The following RAB28 variants were observed in gnomAD, a reference collection of about 807,000 sequenced individuals.
RAB28 encodes the protein RAB28, member RAS oncogene family.
A neutral mutation model predicts 31.7 loss-of-function variants in RAB28; 24 were observed. The observed-to-expected ratio is 0.76, with a 90% confidence interval of 0.55 to 1.06. The LOEUF (loss-of-function observed/expected upper bound fraction) is 1.06. Among genes scored for constraint, RAB28 ranks in the 50% least tolerant of loss-of-function variants. The probability of loss-of-function intolerance (pLI) is 0.00; values close to 1 mark genes in which losing one functional copy is unlikely to be tolerated. For synonymous variants in RAB28, 100 were observed against 90.4 expected (o/e 1.11, Z -0.60); for missense variants, 254 against 258.5 (o/e 0.98, Z 0.12).
At chr4:13,470,289 G>A (rs1052313067) in intron 3 of RAB28, among the ~76,000 whole-genome samples, 1 of 152,058 alleles carries the variant, frequency 6.6e-6, no homozygotes. Context: ...AGTATAACCC[G>A]TAAGAAACAC....
chr4:13,467,779 C>T (rs1256218365), intron 3 of RAB28, among the ~76,000 whole-genome samples: 1 of 151,782 alleles, frequency 6.6e-6, no homozygotes, highest in Non-Finnish European at 1.5e-5. Context: ...GTTAACCCAG[C>T]TATATCAATA....
chr4:13,410,739 A>C lies in RAB28; in HGVS notation c.392-29145T>G, dbSNP rs55799491. On this transcript the variant is annotated intron_variant, in intron 4 of 6. Transcript: ENST00000330852. ...GTGGTAGCGTTACAATCAACATTGT[A>C]AAAATAAGGCAAGAACAGGCTAAGG... Among the ~76,000 whole-genome samples, 1,157 of 152,254 alleles carry C rather than the reference A, an allele frequency of 7.6e-3. 17 individuals carry two copies. The highest frequency in any genetic ancestry group is 0.026 in the African/African-American group (1,097 of 41,554).
chr4:13,368,390 C>A lies in RAB28; in HGVS notation c.*168G>T. On this transcript the variant is annotated 3_prime_UTR_variant, in exon 7 of 7. Coordinates refer to ENST00000330852, the MANE Select transcript of RAB28 (RefSeq NM_001017979.3). Reference sequence around the variant, plus strand: ...TCCCAAAGTTGAATTCTTTCAAATCCAAGGAGCTGCCTGCCACTGTGAGGC... The same window carrying A: ...TCCCAAAGTTGAATTCTTTCAAATCAAAGGAGCTGCCTGCCACTGTGAGGC... 1 of 1,243,790 alleles carries A rather than the reference C, an allele frequency of 8.0e-7. No homozygotes were observed. Among genetic ancestry groups the A allele is most frequent in the East Asian group, 3.2e-5 (1 of 31,064 alleles). 77.0% of individuals were successfully genotyped at this position (1,243,790 alleles called of 1,614,324 possible).
intron 3 of RAB28, among the ~76,000 whole-genome samples, chr4:13,461,396 A>G (rs1246546943): frequency 2.0e-5 from 3 of 152,140 alleles, no homozygotes; most frequent in African/African-American, 4.8e-5. Flanking sequence ...CCCTTCATAT[A>G]CTTGAGCAGA....
chr4:13,373,001 T>C (rs1432901012), intron 6 of RAB28, among the ~76,000 whole-genome samples: 1 of 152,084 alleles, frequency 6.6e-6, no homozygotes, highest in African/African-American at 2.4e-5. Flanking sequence ...TAAAAACTAA[T>C]ACATACCTAG....
At chr4:13,440,928 T>C (rs1319203792) in intron 4 of RAB28, among the ~76,000 whole-genome samples, 1 of 151,456 alleles carries the variant, frequency 6.6e-6, no homozygotes, top group East Asian at 1.9e-4. Flanking sequence ...GGCCTTAGAA[T>C]GAAACCAATC....
chr4:13,474,069 T>C lies in RAB28; in HGVS notation c.261+249A>G. On this transcript the variant is annotated intron_variant, in intron 3 of 6. Coordinates refer to ENST00000330852, the MANE Select transcript of RAB28 (RefSeq NM_001017979.3). ...ACTGCATTTATTGAACTGCTAACAA[T>C]AACACCTAGTAATGTAAATAACATA... 4.9e-6 allele frequency: 3 copies of C among 616,112 alleles called. 1 individual carries two copies. The highest frequency in any genetic ancestry group is 4.4e-5 in the South Asian group (3 of 67,674). The allele number at this position is 616,112 out of a possible 1,614,324, so 38.2% of individuals were successfully genotyped here.
intron 4 of RAB28, among the ~76,000 whole-genome samples, chr4:13,425,422 T>C (rs983350614): frequency 1.3e-5 from 2 of 152,164 alleles, no homozygotes; most frequent in Admixed American, 6.5e-5. Flanking sequence ...CAACAAACAC[T>C]GTTTCCTAGA....
intron 3 of RAB28, chr4:13,473,758 T>G (rs1011052203): frequency 3.3e-6 from 1 of 302,804 alleles, no homozygotes; most frequent in African/African-American, 2.3e-5. Context: ...TTTTTCTTGC[T>G]CTACATGGAT....
intron 1 of RAB28, among the ~76,000 whole-genome samples, chr4:13,480,269 C>A (rs1280837356): frequency 1.3e-5 from 2 of 151,624 alleles, no homozygotes; most frequent in Non-Finnish European, 3.0e-5. Context: ...AGTACCATTT[C>A]TTATCAAAGC....
chr4:13,457,896 A>C (rs1432311412), intron 4 of RAB28, among the ~76,000 whole-genome samples: 1 of 152,192 alleles, frequency 6.6e-6, no homozygotes, highest in Non-Finnish European at 1.5e-5. Context: ...AAAAAATTAA[A>C]ACAAATCATA....
rs78254660 is a variant in RAB28, at chr4:13,411,179, T to C, written c.392-29585A>G. 4.6e-3 allele frequency among the ~76,000 whole-genome samples: 692 copies of C among 151,914 alleles called. 6 individuals carry two copies. The highest frequency in any genetic ancestry group is 0.016 in the African/African-American group (660 of 41,444). On this transcript the variant is annotated intron_variant, in intron 4 of 6. Coordinates refer to ENST00000330852, the MANE Select transcript of RAB28 (RefSeq NM_001017979.3). ...TAAATACCAAAACACAACAGAACAA[T>C]GACTATAGGTTATAAGGAGAAAAAG...
rs1438637998 is a variant in RAB28, at chr4:13,384,278, C to T, written c.392-2684G>A. Among the ~76,000 whole-genome samples the T allele has an allele frequency of 3.3e-5, 5 of 152,188 alleles. No individual in the cohort carries two copies. In the East Asian group the frequency reaches 9.7e-4, roughly 29 times the overall value. On this transcript the variant is annotated intron_variant, in intron 4 of 6. Coordinates refer to ENST00000330852, the MANE Select transcript of RAB28 (RefSeq NM_001017979.3). Reference sequence around the variant, plus strand: ...CAGCACAGTAGCCAGCAGGGGCCCTCAAAGCAGTATTGCCTCTGCTGCTGC... The same window carrying T: ...CAGCACAGTAGCCAGCAGGGGCCCTTAAAGCAGTATTGCCTCTGCTGCTGC...
chr4:13,426,382 T>C (rs989932542), intron 4 of RAB28, among the ~76,000 whole-genome samples: 1 of 152,056 alleles, frequency 6.6e-6, no homozygotes, highest in African/African-American at 2.4e-5. Context: ...AAGGGACAAC[T>C]TGAAACAATG....
intron 6 of RAB28, among the ~76,000 whole-genome samples, chr4:13,373,961 G>GTA (rs1312617534): frequency 3.7e-4 from 56 of 151,446 alleles, no homozygotes; most frequent in African/African-American, 1.3e-3. Flanking sequence ...ATGTATGTAT[G>GTA]TGTGTGTGTG....
chr4:13,370,316 GT>G, intron 6 of RAB28: 1 of 961,326 alleles, frequency 1.0e-6, no homozygotes, highest in Non-Finnish European at 1.2e-6. Flanking sequence ...TCAGAAGACT[GT>G]GAAGAATTAT....
At chr4:13,381,651 T>C in intron 4 of RAB28, 57 bp from the exon 5 acceptor site, 1 of 1,255,162 alleles carries the variant, frequency 8.0e-7, no homozygotes, top group Non-Finnish European at 1.1e-6. Flanking sequence ...CAAAACGTTT[T>C]TAACATGTTT....
chr4:13,371,632 A>G, intron 6 of RAB28: 2 of 985,308 alleles, frequency 2.0e-6, no homozygotes, highest in Non-Finnish European at 2.4e-6. Context: ...CCGAACTGTA[A>G]GCCATAACCA....
At chr4:13,406,811 GTC>G (rs1712119782) in intron 4 of RAB28, among the ~76,000 whole-genome samples, 1 of 152,178 alleles carries the variant, frequency 6.6e-6, no homozygotes, top group African/African-American at 2.4e-5. Context: ...TTTGAGAAGT[GTC>G]TGTTTATATC....
Sources: allele counts gnomAD v4.1 joint callset (sites outside exome capture counted in the v4.1 genomes callset), GRCh38; gene constraint gnomAD v4.1.1; transcripts MANE v1.5; gene names NCBI Gene and HGNC (gene_info 2026-07-23, HGNC 2026-07-21).